TMEM217B: variants seen among roughly 807,000 people sequenced by gnomAD.
TMEM217B encodes putative transmembrane protein 217B.
chr6:37,217,940 CT>C, the TMEM217B span: 2 of 986,886 alleles, frequency 2.0e-6, no homozygotes, highest in Non-Finnish European at 2.4e-6. Flanking sequence ...TCACAATATC[CT>C]TTAACTAAAT....
the TMEM217B span, among the ~76,000 whole-genome samples, chr6:37,222,655 C>G: frequency 6.6e-6 from 1 of 152,232 alleles, no homozygotes; most frequent in Non-Finnish European, 1.5e-5. Context: ...CGGCCCTCCT[C>G]CAAGAGCACA....
chr6:37,218,653 G>C, the TMEM217B span: 1 of 1,614,166 alleles, frequency 6.2e-7, no homozygotes, highest in East Asian at 2.2e-5. Flanking sequence ...ACCAGCGCAT[G>C]ATTCTGACCT....
At chr6:37,212,788 G>A in the TMEM217B span, 1 of 724,734 alleles carries the variant, frequency 1.4e-6, no homozygotes, top group Non-Finnish European at 2.5e-6. Flanking sequence ...GGAGAGGCCA[G>A]TGCTGATATT....
the TMEM217B span, among the ~76,000 whole-genome samples, chr6:37,237,737 ATCTT>A: frequency 6.6e-6 from 1 of 152,226 alleles, no homozygotes; most frequent in South Asian, 2.1e-4. Flanking sequence ...ATATGGTAGA[ATCTT>A]AACAATGTAA....
the TMEM217B span, chr6:37,212,797 T>C: frequency 1.3e-6 from 1 of 749,722 alleles, no homozygotes; most frequent in Non-Finnish European, 2.4e-6. Flanking sequence ...AGTGCTGATA[T>C]TAGCCCTGTG....
At chr6:37,252,629 ATATATATATTTTTTTTTT>A in the TMEM217B span, among the ~76,000 whole-genome samples, 1 of 72,730 alleles carries the variant, frequency 1.4e-5, no homozygotes, top group Non-Finnish European at 2.5e-5. Context: ...ATATATATAT[ATATATATATTTTTTTTTT>A]TTTTTTTTTT....
chr6:37,220,882 T>A, the TMEM217B span, among the ~76,000 whole-genome samples: 1 of 152,132 alleles, frequency 6.6e-6, no homozygotes, highest in African/African-American at 2.4e-5. Flanking sequence ...ATTTTTGCAT[T>A]ATTTAAAATT....
At chr6:37,243,208 A>G in the TMEM217B span, among the ~76,000 whole-genome samples, 1 of 152,238 alleles carries the variant, frequency 6.6e-6, no homozygotes, top group Non-Finnish European at 1.5e-5. Flanking sequence ...TTAATTTGGC[A>G]AGGGCTATTA....
At chr6:37,224,429 T>C in the TMEM217B span, among the ~76,000 whole-genome samples, 1 of 150,150 alleles carries the variant, frequency 6.7e-6, no homozygotes, top group Non-Finnish European at 1.5e-5. Context: ...AAACCCTGTC[T>C]CTACTAAAAA....
chr6:37,230,152 C>T, the TMEM217B span, among the ~76,000 whole-genome samples: 26 of 152,352 alleles, frequency 1.7e-4, no homozygotes, highest in Admixed American at 5.9e-4. Flanking sequence ...GTCCTTCTCA[C>T]GCTTGGAATT....
the TMEM217B span, among the ~76,000 whole-genome samples, chr6:37,213,250 C>T: frequency 6.6e-6 from 1 of 152,214 alleles, no homozygotes; most frequent in Non-Finnish European, 1.5e-5. Context: ...GCTGTTCCAG[C>T]TTCAGCTTTG....
At chr6:37,230,795 G>C in the TMEM217B span, among the ~76,000 whole-genome samples, 2 of 152,114 alleles carry the variant, frequency 1.3e-5, no homozygotes, top group Non-Finnish European at 2.9e-5. Context: ...AAGCAGAACA[G>C]CCTTTCAATT....
At chr6:37,257,022 G>A in the TMEM217B span, among the ~76,000 whole-genome samples, 4 of 152,338 alleles carry the variant, frequency 2.6e-5, no homozygotes, top group Non-Finnish European at 5.9e-5. Context: ...GTGGGGCCGG[G>A]AGGAGATACA....
At chr6:37,217,354 T>C in the TMEM217B span, among the ~76,000 whole-genome samples, 3 of 152,248 alleles carry the variant, frequency 2.0e-5, no homozygotes, top group African/African-American at 7.2e-5. Flanking sequence ...TGTCTGTTTA[T>C]TTGTGATAGT....
the TMEM217B span, among the ~76,000 whole-genome samples, chr6:37,227,803 T>TA: frequency 6.6e-6 from 1 of 151,822 alleles, no homozygotes; most frequent in South Asian, 2.1e-4. Context: ...TCATCTGACT[T>TA]ACATGCTTAC....
the TMEM217B span, among the ~76,000 whole-genome samples, chr6:37,228,401 C>T: frequency 3.3e-5 from 5 of 152,194 alleles, no homozygotes; most frequent in South Asian, 1.0e-3. Flanking sequence ...AGTGAAACTC[C>T]ATCTCAAAAA....
chr6:37,219,745 T>A, the TMEM217B span, among the ~76,000 whole-genome samples: 1 of 151,580 alleles, frequency 6.6e-6, no homozygotes, highest in African/African-American at 2.4e-5. Context: ...AAAAAAAAAA[T>A]TATGCTGTTA....
At chr6:37,220,965 A>G in the TMEM217B span, among the ~76,000 whole-genome samples, 3 of 152,092 alleles carry the variant, frequency 2.0e-5, no homozygotes, top group African/African-American at 7.2e-5. Flanking sequence ...TATACAAGAT[A>G]AAATTTTACA....
At chr6:37,257,793 G>A in the TMEM217B span, 1 of 1,049,856 alleles carries the variant, frequency 9.5e-7, no homozygotes, top group Non-Finnish European at 1.4e-6. Flanking sequence ...GGCGTCCCCA[G>A]GAGCTGGGAG....
Sources: allele counts gnomAD v4.1 joint callset (sites outside exome capture counted in the v4.1 genomes callset), GRCh38; gene constraint gnomAD v4.1.1; transcripts MANE v1.5; gene names NCBI Gene and HGNC (gene_info 2026-07-23, HGNC 2026-07-21).